NTNG2: variants seen among roughly 807,000 people sequenced by gnomAD.
NTNG2 encodes the protein netrin-G2.
NTNG2 carries 15 observed loss-of-function variants against 47.6 expected under a neutral mutation model. The observed-to-expected ratio is 0.32, with a 90% confidence interval of 0.21 to 0.49. The LOEUF is 0.49. NTNG2 is among the 20% of genes least tolerant of loss of function. The probability of loss-of-function intolerance (pLI) is 0.99; values close to 1 mark genes in which losing one functional copy is unlikely to be tolerated. For missense variants in NTNG2, 578 were observed against 764.6 expected, an observed-to-expected ratio of 0.76 and a Z score of 2.88; for synonymous variants, 307 against 324.6, an observed-to-expected ratio of 0.95 and a Z score of 0.58.
intron 3 of NTNG2, among the ~76,000 whole-genome samples, chr9:132,209,860 G>C (rs13299203): frequency 0.52 from 77,939 of 149,790 alleles, 20,674 homozygotes; most frequent in African/African-American, 0.62. Context: ...CGGGAGGCGC[G>C]GCAGCGTTGG....
intron 2 of NTNG2, among the ~76,000 whole-genome samples, chr9:132,193,898 G>T (rs531408147): frequency 1.3e-5 from 2 of 152,144 alleles, no homozygotes; most frequent in Admixed American, 6.5e-5. Flanking sequence ...GGAGCCAGCC[G>T]CCTTCTCACT....
At chr9:132,167,168 C>T in intron 2 of NTNG2, 124 bp downstream of exon 2, 1 of 1,053,778 alleles carries the variant, frequency 9.5e-7, no homozygotes, top group East Asian at 2.6e-5. Flanking sequence ...TGCCTCTTGA[C>T]CAGGTCTGGA....
chr9:132,222,682 C>T (rs538996743), intron 3 of NTNG2, among the ~76,000 whole-genome samples: 1 of 152,136 alleles, frequency 6.6e-6, no homozygotes, highest in Non-Finnish European at 1.5e-5. Flanking sequence ...TTCCTGAGTG[C>T]CCCCTCTCCC....
intron 2 of NTNG2, among the ~76,000 whole-genome samples, chr9:132,167,476 A>T (rs1459080771): frequency 6.6e-6 from 1 of 152,184 alleles, no homozygotes. Context: ...AGCCCACTCA[A>T]TCCAATCCAG....
intron 2 of NTNG2, among the ~76,000 whole-genome samples, chr9:132,186,291 T>C (rs1221912653): frequency 6.6e-6 from 1 of 152,204 alleles, no homozygotes; most frequent in Non-Finnish European, 1.5e-5. Context: ...GCACGGGCAC[T>C]CTTCAACTGG....
rs1564440435 is a variant in NTNG2, at chr9:132,231,362, T to C, written c.1054+767T>C. 4.4e-6 allele frequency: 2 copies of C among 455,838 alleles called. No homozygotes were observed. Among genetic ancestry groups the C allele is most frequent in the Admixed American group, 2.4e-5 (1 of 42,460 alleles). The allele number at this position is 455,838 out of a possible 1,614,324, so 28.2% of individuals were successfully genotyped here. On this transcript the variant is annotated intron_variant, in intron 5 of 7. Coordinates refer to ENST00000393229, the MANE Select transcript of NTNG2 (RefSeq NM_032536.4). This position sits in a 1 kb window ranked among gnomAD's most constrained non-coding sequence, Gnocchi z 4.1. Reference sequence around the variant, plus strand: ...GAGGCAGCAGGAGAGGACTGGCCAATGTCAAAGAGCCAGCCGGGAGCAGAC... The same window carrying C: ...GAGGCAGCAGGAGAGGACTGGCCAACGTCAAAGAGCCAGCCGGGAGCAGAC...
At chr9:132,220,506 C>T (rs2130892687) in intron 3 of NTNG2, among the ~76,000 whole-genome samples, 1 of 149,710 alleles carries the variant, frequency 6.7e-6, no homozygotes, top group African/African-American at 2.5e-5. Context: ...TGTGCTCAGG[C>T]CAGAGTGCAA....
chr9:132,237,228 C>A (rs1841694720), intron 5 of NTNG2, among the ~76,000 whole-genome samples: 1 of 152,150 alleles, frequency 6.6e-6, no homozygotes, highest in Non-Finnish European at 1.5e-5. Context: ...AGGGGCCCCA[C>A]CTCCCTGGGC....
intron 2 of NTNG2, among the ~76,000 whole-genome samples, chr9:132,171,556 G>C (rs530497389): frequency 1.3e-5 from 2 of 152,200 alleles, no homozygotes; most frequent in Non-Finnish European, 2.9e-5. Flanking sequence ...GGCTGTGAAC[G>C]TGCATCTTTG....
intron 3 of NTNG2, among the ~76,000 whole-genome samples, chr9:132,202,247 A>G (rs1838819495): frequency 6.6e-6 from 1 of 152,150 alleles, no homozygotes; most frequent in African/African-American, 2.4e-5. Context: ...GCAGGCAGCA[A>G]TGTAGGCAGG....
In NTNG2 at chr9:132,163,493, A is replaced by G. The variant is rs1255207531; in HGVS notation, c.-484+1254A>G. Among the ~76,000 whole-genome samples the G allele has an allele frequency of 1.3e-5, 2 of 152,098 alleles. No individual in the cohort carries two copies. The highest frequency in any genetic ancestry group is 4.8e-5 in the African/African-American group (2 of 41,440). ...GCGCCCGCTGGACCCCGCCCGGGGC[A>G]GAGGACGGGAAGGTGACCCCGCCGG... On this transcript the variant is annotated intron_variant, in intron 1 of 7. Coordinates refer to ENST00000393229, the MANE Select transcript of NTNG2 (RefSeq NM_032536.4). The surrounding 1 kb of genome is among the most constrained non-coding windows in gnomAD (Gnocchi z 7.2).
rs11243651 is a variant in NTNG2 at position 132,162,423 on chromosome 9, A to G, written c.-484+184A>G. Reference sequence around the variant, plus strand: ...TTGGTGGCGGCTGCTACGAGCTGAGAACTGGAGTCGCCCCAGAGGGGTGTG... The same window carrying G: ...TTGGTGGCGGCTGCTACGAGCTGAGGACTGGAGTCGCCCCAGAGGGGTGTG... On this transcript the variant is annotated intron_variant, in intron 1 of 7. Coordinates refer to ENST00000393229, the MANE Select transcript of NTNG2 (RefSeq NM_032536.4). The surrounding 1 kb of genome is among the most constrained non-coding windows in gnomAD (Gnocchi z 4.6). Among the ~76,000 whole-genome samples, 70,434 of 151,808 alleles carry G rather than the reference A, an allele frequency of 0.46. 17,492 individuals carry two copies. Among genetic ancestry groups the G allele is most frequent in the African/African-American group, 0.64 (26,557 of 41,380 alleles).
intron 2 of NTNG2, among the ~76,000 whole-genome samples, chr9:132,194,287 A>G (rs1404392514): frequency 6.6e-6 from 1 of 152,160 alleles, no homozygotes; most frequent in Non-Finnish European, 1.5e-5. Flanking sequence ...CCCGAGCGGC[A>G]CAGACAGAGC....
At chr9:132,198,655 T>C in intron 3 of NTNG2, 46 bp downstream of exon 3, 1 of 1,569,314 alleles carries the variant, frequency 6.4e-7, no homozygotes, top group Non-Finnish European at 8.7e-7. Context: ...CCTGGGATGC[T>C]ATCTGTTACC....
rs1419841481 is a variant in NTNG2 at position 132,239,901 on chromosome 9, C to T, written c.1222+630C>T. ...GTCCAGCTATAAAGCTGCTCTTCAC[C>T]CCTGGTGGGCACCCAGTCTGCTTTC... On this transcript the variant is annotated intron_variant, in intron 6 of 7. Coordinates refer to ENST00000393229, the MANE Select transcript of NTNG2 (RefSeq NM_032536.4). Among the ~76,000 whole-genome samples the T allele has an allele frequency of 4.6e-5, 7 of 152,248 alleles. No individual in the cohort carries two copies. In the South Asian group the frequency reaches 6.2e-4, roughly 14 times the overall value.
At chr9:132,241,134 AG>A (rs1841954085) in intron 7 of NTNG2, 90 bp downstream of exon 7, 1 of 1,084,724 alleles carries the variant, frequency 9.2e-7, no homozygotes, top group South Asian at 1.8e-5. Context: ...GGGACGGGGC[AG>A]GGGCGGTGGA....
intron 7 of NTNG2, among the ~76,000 whole-genome samples, chr9:132,241,272 G>A (rs373573445): frequency 6.6e-6 from 1 of 151,854 alleles, no homozygotes; most frequent in African/African-American, 2.4e-5. Flanking sequence ...TAGTGAGAGC[G>A]GGGCAGGGTT....
intron 2 of NTNG2, among the ~76,000 whole-genome samples, chr9:132,167,932 G>C (rs770514163): frequency 3.9e-5 from 6 of 152,292 alleles, no homozygotes; most frequent in Middle Eastern, 3.4e-3. Flanking sequence ...ACGTCTGTGG[G>C]CTTCTGTTCT....
rs367960892 is a variant in NTNG2 at position 132,180,981 on chromosome 9, C to T, written c.213+13937C>T. On this transcript the variant is annotated intron_variant, in intron 2 of 7. Transcript: ENST00000393229. This position sits in a 1 kb window ranked among gnomAD's most constrained non-coding sequence, Gnocchi z 4.2. The stretch of plus-strand genomic sequence containing the variant: ...CTCTGAGTCCATCCGTGGTCACTTT[C>T]GGTCAATCATCTGGCCTGAGCAGGT... 2.0e-5 allele frequency among the ~76,000 whole-genome samples: 3 copies of T among 152,230 alleles called. No homozygotes were observed. The highest frequency in any genetic ancestry group is 2.1e-4 in the South Asian group (1 of 4,828).
Sources: allele counts gnomAD v4.1 joint callset (sites outside exome capture counted in the v4.1 genomes callset), GRCh38; gene constraint gnomAD v4.1.1; non-coding constraint Gnocchi (gnomAD v3.1); transcripts MANE v1.5; gene names NCBI Gene and HGNC (gene_info 2026-07-23, HGNC 2026-07-21).